Variants in SNW1 observed in about 807,000 individuals in gnomAD.
SNW1 encodes SNW domain-containing protein 1.
A neutral mutation model predicts 75.6 loss-of-function variants in SNW1; 9 were observed. That is an observed-to-expected ratio of 0.12 (90% CI 0.07 to 0.21). The LOEUF (loss-of-function observed/expected upper bound fraction) is 0.21. Among genes scored for constraint, SNW1 ranks in the 10% least tolerant of loss-of-function variants. The pLI is 1.00. For missense variants in SNW1, 409 were observed against 670.9 expected, an observed-to-expected ratio of 0.61 and a Z score of 4.31; for synonymous variants, 200 against 219.1, an observed-to-expected ratio of 0.91 and a Z score of 0.77.
intron 3 of SNW1, among the ~76,000 whole-genome samples, chr14:77,750,675 A>G (rs966956604): frequency 3.4e-4 from 52 of 152,314 alleles, no homozygotes; most frequent in African/African-American, 1.2e-3. Context: ...AAGAAAAAAA[A>G]AAAACTAGGT....
Position 77,732,612 on chromosome 14 carries a change from A to T in SNW1, c.775-11T>A, listed in dbSNP as rs757763926. 1 of 1,430,682 alleles carries T rather than the reference A, an allele frequency of 7.0e-7. No individual in the cohort carries two copies. The highest frequency in any genetic ancestry group is 9.8e-7 in the Non-Finnish European group (1 of 1,020,470). 88.6% of individuals were successfully genotyped at this position (1,430,682 alleles called of 1,614,324 possible). On this transcript the variant is annotated splice_polypyrimidine_tract_variant and intron_variant, in intron 8 of 13. Coordinates refer to ENST00000261531, the MANE Select transcript of SNW1 (RefSeq NM_012245.3). ...TGGAATTGTATAACCCTAGAGTGAA[A>T]GCAGACAGAAAACCCAGTCACAGAA... is the stretch of plus-strand genomic sequence containing the variant.
At chr14:77,735,797 C>G in intron 7 of SNW1, 140 bp downstream of exon 7, 1 of 606,408 alleles carries the variant, frequency 1.6e-6, no homozygotes, top group South Asian at 2.2e-5. Flanking sequence ...CATAAGCATT[C>G]TTGAAACTTC....
At chr14:77,748,293 G>A (rs927728312) in intron 3 of SNW1, among the ~76,000 whole-genome samples, 5 of 152,080 alleles carry the variant, frequency 3.3e-5, no homozygotes, top group African/African-American at 1.2e-4. Context: ...AGGGTCCTCT[G>A]CCTAGGAAAA....
intron 3 of SNW1, among the ~76,000 whole-genome samples, chr14:77,748,568 CTATAA>C (rs986285460): frequency 6.3e-4 from 95 of 151,964 alleles, no homozygotes; most frequent in African/African-American, 2.2e-3. Flanking sequence ...GTATCTTTTA[CTATAA>C]TATATTATTT....
chr14:77,725,968 C>G (rs2080581850), intron 10 of SNW1, among the ~76,000 whole-genome samples: 1 of 152,124 alleles, frequency 6.6e-6, no homozygotes, highest in Non-Finnish European at 1.5e-5. Flanking sequence ...TTTCTGGGTT[C>G]TCTATTCTGT....
At chr14:77,745,636 G>A (rs952694364) in intron 3 of SNW1, among the ~76,000 whole-genome samples, 1 of 152,212 alleles carries the variant, frequency 6.6e-6, no homozygotes, top group African/African-American at 2.4e-5. Context: ...GAACTGGGAA[G>A]GCTGAGGTCG....
At chr14:77,746,500 A>C (rs572056038) in intron 3 of SNW1, among the ~76,000 whole-genome samples, 1 of 152,358 alleles carries the variant, frequency 6.6e-6, no homozygotes, top group South Asian at 2.1e-4. Context: ...GAGAGAACAT[A>C]TGGGCAGTAT....
intron 3 of SNW1, among the ~76,000 whole-genome samples, chr14:77,740,248 C>A (rs2080707960): frequency 1.3e-5 from 2 of 148,328 alleles, no homozygotes; most frequent in African/African-American, 5.0e-5. Flanking sequence ...AAAGAAAGGA[C>A]AACTTATAAA....
intron 3 of SNW1, among the ~76,000 whole-genome samples, chr14:77,748,864 G>A (rs2080785239): frequency 6.6e-6 from 1 of 152,046 alleles, no homozygotes; most frequent in Non-Finnish European, 1.5e-5. Context: ...TGGGATTACA[G>A]GTGTGAGCCA....
At chr14:77,737,132 T>C (rs995484337) in intron 5 of SNW1, 57 bp from the exon 6 acceptor site, 22 of 1,202,254 alleles carry the variant, frequency 1.8e-5, no homozygotes, top group African/African-American at 4.5e-5. Context: ...CAGTAGGTAT[T>C]TTCCTTCTAT....
chr14:77,738,941 A>G (rs1336417004), intron 4 of SNW1, 25 bp downstream of exon 4: 1 of 1,609,896 alleles, frequency 6.2e-7, no homozygotes, highest in Admixed American at 1.7e-5. Flanking sequence ...GTAAATAGTC[A>G]TCGAATATAT....
intron 8 of SNW1, among the ~76,000 whole-genome samples, chr14:77,732,897 T>C (rs1440689131): frequency 6.6e-6 from 1 of 152,160 alleles, no homozygotes. Context: ...TTCCTGACCT[T>C]GAGTGATCCG....
chr14:77,751,511 T>C (rs780379067), intron 2 of SNW1, 31 bp from the exon 3 acceptor site: 20 of 1,521,252 alleles, frequency 1.3e-5, no homozygotes, highest in Admixed American at 6.0e-5. Flanking sequence ...AATAAAATAG[T>C]TAATCATCAT....
At chr14:77,718,616 C>CTAA (rs1241670827) in intron 12 of SNW1, 86 bp from the exon 13 acceptor site, 11 of 837,760 alleles carry the variant, frequency 1.3e-5, no homozygotes, top group Non-Finnish European at 1.7e-5. Flanking sequence ...TAAACCCTTG[C>CTAA]TAATGTACAG....
chr14:77,727,372 C>A (rs2080594110), intron 10 of SNW1, among the ~76,000 whole-genome samples: 1 of 152,038 alleles, frequency 6.6e-6, no homozygotes, highest in South Asian at 2.1e-4. Context: ...AATCTGGATG[C>A]CCTTTATTTC....
At chr14:77,722,446 T>G (rs1239354597) in intron 11 of SNW1, 1 of 445,226 alleles carries the variant, frequency 2.2e-6, no homozygotes, top group East Asian at 7.0e-5. Context: ...TTGTACTAGA[T>G]GCAGTACTAT....
intron 10 of SNW1, among the ~76,000 whole-genome samples, chr14:77,723,648 C>T (rs1278151364): frequency 6.6e-6 from 1 of 152,106 alleles, no homozygotes; most frequent in Non-Finnish European, 1.5e-5. Context: ...CTGCACTCAG[C>T]CCCATTAGTA....
chr14:77,738,919 G>GTGAT, intron 4 of SNW1, 35 bp from the exon 5 acceptor site: 1 of 1,608,938 alleles, frequency 6.2e-7, no homozygotes, highest in East Asian at 2.2e-5. Context: ...GAGTTTGGAA[G>GTGAT]TTAATCAGGA....
intron 5 of SNW1, among the ~76,000 whole-genome samples, chr14:77,738,563 C>T (rs1302961212): frequency 6.6e-6 from 1 of 152,146 alleles, no homozygotes; most frequent in African/African-American, 2.4e-5. Flanking sequence ...CTGGGCAACA[C>T]AGAAACTTTA....
Sources: allele counts gnomAD v4.1 joint callset (sites outside exome capture counted in the v4.1 genomes callset), GRCh38; gene constraint gnomAD v4.1.1; transcripts MANE v1.5; gene names NCBI Gene and HGNC (gene_info 2026-07-23, HGNC 2026-07-21).